Variants in ZNF229 observed in about 807,000 individuals in gnomAD.
The protein encoded by ZNF229 is zinc finger protein 229.
ZNF229 carries 10 observed loss-of-function variants against 11.8 expected under a neutral mutation model. The observed-to-expected ratio is 0.85, with a 90% CI of 0.52 to 1.44. The LOEUF (loss-of-function observed/expected upper bound fraction) is 1.44. Ranked by LOEUF, ZNF229 falls within the 40% of genes most tolerant of loss-of-function variation. The pLI is 0.00. For synonymous variants in ZNF229, 368 were observed against 374.8 expected, an observed-to-expected ratio of 0.98 and a Z score of 0.21; for missense variants, 1,045 against 1,015.1, an observed-to-expected ratio of 1.03 and a Z score of -0.40.
At chr19:44,434,189 G>A (rs1481988944) in intron 4 of ZNF229, among the ~76,000 whole-genome samples, 5 of 152,122 alleles carry the variant, frequency 3.3e-5, no homozygotes, top group African/African-American at 1.2e-4. Context: ...ACAATTTACA[G>A]TTCCAACAGT....
intron 4 of ZNF229, 131 bp from the exon 5 acceptor site, chr19:44,432,497 T>C (rs1266103508): frequency 1.6e-6 from 2 of 1,287,012 alleles, no homozygotes; most frequent in Non-Finnish European, 2.1e-6. Flanking sequence ...CACCATGGAA[T>C]ACTATGCAGC....
At chr19:44,431,083 G>A (rs574005777) in intron 5 of ZNF229, among the ~76,000 whole-genome samples, 1 of 152,260 alleles carries the variant, frequency 6.6e-6, no homozygotes, top group East Asian at 1.9e-4. Flanking sequence ...CCTGCACTGT[G>A]TCTCAGGGGT....
At position 44,429,608 on chromosome 19, in the gene ZNF229, G is replaced by C; in HGVS notation, c.1173C>G (p.Asn391Lys). 2 of 1,614,008 alleles carry C rather than the reference G, an allele frequency of 1.2e-6. No individual in the cohort carries two copies. The highest frequency in any genetic ancestry group is 1.7e-6 in the Non-Finnish European group (2 of 1,180,004). ...TGTGGACCCTCTGATGGACAAGCAG[G>C]TTTGAACTTCGACCAAATGCCTTCC... ...ECGKAFGRSS[N>K]LLVHQRVHTG... The change falls in exon 6 of 6, where the codon AAC (asparagine) becomes AAG (lysine). Residue 391 changes from asparagine to lysine, a missense_variant. Asn to Lys is a moderately conservative substitution (Grantham distance 94). Transcript: ENST00000614049.
intron 5 of ZNF229, among the ~76,000 whole-genome samples, chr19:44,431,411 G>A (rs1459326255): frequency 6.6e-6 from 1 of 152,030 alleles, no homozygotes; most frequent in Admixed American, 6.5e-5. Context: ...TTTATAACCA[G>A]GGACTAGTAC....
rs531561308 is a variant in ZNF229 at position 44,430,078 on chromosome 19, C to T, written c.703G>A (p.Glu235Lys). Reference sequence around the variant, plus strand: ...TTGCAACCACACGGCTTGTCTATTTCAGGGAATCTGTGATCAACATGACAA... The same window carrying T: ...TTGCAACCACACGGCTTGTCTATTTTAGGGAATCTGTGATCAACATGACAA... The part of the protein sequence containing the change: ...ISCHVDHRFP[E>K]IDKPCGCNKC... Residue 235 changes from glutamate to lysine, a missense_variant, in exon 6 of 6, where the codon GAA becomes AAA. Transcript: ENST00000614049. 1 of 1,614,154 alleles carries T rather than the reference C, an allele frequency of 6.2e-7. No individual in the cohort carries two copies. The highest frequency in any genetic ancestry group is 1.1e-5 in the South Asian group (1 of 91,086).
At chr19:44,437,418 T>TA (rs1971834235) in intron 4 of ZNF229, among the ~76,000 whole-genome samples, 1 of 152,198 alleles carries the variant, frequency 6.6e-6, no homozygotes, top group African/African-American at 2.4e-5. Flanking sequence ...AACCACGAGA[T>TA]ACCACCTCAC....
Position 44,428,927 on chromosome 19 carries a change from A to G in ZNF229, c.1854T>C (p.His618=), listed in dbSNP as rs966437268. Reference sequence around the variant, plus strand: ...GTTTCTCTCCAGTGTGGACCCTCTGATGGATAAGGAGGTCGGAGCTGTAGA... The same window carrying G: ...GTTTCTCTCCAGTGTGGACCCTCTGGTGGATAAGGAGGTCGGAGCTGTAGA... ...GFIYSSDLLI[H]QRVHTGEKPY... The change falls in exon 6 of 6, where the codon CAT becomes CAC. Residue 618 remains histidine, a synonymous_variant. Coordinates refer to ENST00000614049, the MANE Select transcript of ZNF229 (RefSeq NM_014518.4). The G allele has an allele frequency of 6.2e-7, 1 of 1,611,010 alleles. No individual in the cohort carries two copies. Among genetic ancestry groups the G allele is most frequent in the African/African-American group, 1.4e-5 (1 of 73,666 alleles).
chr19:44,444,661 C>A (rs1971974956), intron 2 of ZNF229, among the ~76,000 whole-genome samples: 1 of 152,206 alleles, frequency 6.6e-6, no homozygotes, highest in Non-Finnish European at 1.5e-5. Context: ...CTGCTAGAGT[C>A]CAGCTCCAAA....
At chr19:44,434,565 C>T (rs1311551727) in intron 4 of ZNF229, among the ~76,000 whole-genome samples, 4 of 151,714 alleles carry the variant, frequency 2.6e-5, no homozygotes, top group Admixed American at 1.3e-4. Flanking sequence ...TTCTGCAATA[C>T]AGTGATCATC....
rs1971633670 is a variant in ZNF229, at chr19:44,428,696, A to G, written c.2085T>C (p.Tyr695=). ...TCTGGTGGGTGCGAAGATTAGAGCC[A>G]TAACTGAATCCCTTGCCACACTGAT... is the stretch of plus-strand genomic sequence containing the variant. The part of the protein sequence containing the change: ...TCDQCGKGFS[Y]GSNLRTHQRL... The change falls in exon 6 of 6, where the codon TAT becomes TAC. Residue 695 remains tyrosine, a synonymous_variant. Coordinates refer to ENST00000614049, the MANE Select transcript of ZNF229 (RefSeq NM_014518.4). The G allele has an allele frequency of 3.1e-6, 5 of 1,612,628 alleles. No homozygotes were observed. The African/African-American group carries it at 5.4e-5, about 17-fold the overall frequency.
Position 44,432,261 on chromosome 19 carries a change from A to G in ZNF229, c.199T>C (p.Phe67Leu). 6.2e-7 allele frequency: 1 copy of G among 1,613,866 alleles called. No individual in the cohort carries two copies. The highest frequency in any genetic ancestry group is 8.5e-7 in the Non-Finnish European group (1 of 1,179,950). The change falls in exon 5 of 6, where the codon TTC (phenylalanine) becomes CTC (leucine). Residue 67 changes from phenylalanine to leucine, a missense_variant. Physicochemically the swap from Phe to Leu is conservative, Grantham distance 22. Transcript: ENST00000614049. The part of the protein sequence containing the change: ...QLYQDVMQEN[F>L]RNLLSVGERN... ...TCACCCACTGAGAGTAGGTTCCTGA[A>G]ATTCTCCTGCATCACATCTTGGTAC...
At chr19:44,440,332 G>A (rs1247203918) in intron 4 of ZNF229, among the ~76,000 whole-genome samples, 2 of 151,178 alleles carry the variant, frequency 1.3e-5, no homozygotes, top group African/African-American at 4.9e-5. Flanking sequence ...AGGAGAGAAA[G>A]AGAAAGAGAA....
Position 44,429,179 on chromosome 19 carries a change from C to T in ZNF229, c.1602G>A (p.Met534Ile), listed in dbSNP as rs778179795. Residue 534 changes from methionine (M) to isoleucine (I), a missense_variant, in exon 6 of 6, where the codon ATG (methionine) becomes ATA (isoleucine). Physicochemically the swap from Met to Ile is conservative, Grantham distance 10. Coordinates refer to ENST00000614049, the MANE Select transcript of ZNF229 (RefSeq NM_014518.4). Reference protein sequence around the residue: ...KSFSYSSGLLMHQRLHTGEKP... With the variant: ...KSFSYSSGLLIHQRLHTGEKP... ...TCTCTCCTGTGTGCAGTCTCTGATG[C>T]ATGAGAAGCCCTGAGCTGTAACTGA... 1.9e-6 allele frequency: 3 copies of T among 1,611,384 alleles called. No homozygotes were observed. Among genetic ancestry groups the T allele is most frequent in the Non-Finnish European group, 2.5e-6 (3 of 1,179,290 alleles).
In ZNF229 at chr19:44,436,225, T is replaced by G. The variant is rs144462509; in HGVS notation, c.94-3859A>C. ...CCATATCTACAAAAAATAGAAAAAGTAGTGGCATGTGGTAGTGTGCACCTG... is the reference window on the plus strand; with the variant it reads ...CCATATCTACAAAAAATAGAAAAAGGAGTGGCATGTGGTAGTGTGCACCTG... On this transcript the variant is annotated intron_variant, in intron 4 of 5. Coordinates refer to ENST00000614049, the MANE Select transcript of ZNF229 (RefSeq NM_014518.4). Among the ~76,000 whole-genome samples the G allele has an allele frequency of 8.1e-3, 1,237 of 152,090 alleles. 16 individuals are homozygous for G. Among genetic ancestry groups the G allele is most frequent in the Middle Eastern group, 0.024 (7 of 294 alleles).
chr19:44,444,229 C>A (rs899866019), intron 2 of ZNF229, among the ~76,000 whole-genome samples: 3 of 152,170 alleles, frequency 2.0e-5, no homozygotes, highest in Admixed American at 1.3e-4. Context: ...CCTTCCCCAC[C>A]TTGCCTGGCC....
At chr19:44,439,591 G>A (rs1971872747) in intron 4 of ZNF229, among the ~76,000 whole-genome samples, 1 of 152,066 alleles carries the variant, frequency 6.6e-6, no homozygotes, top group Non-Finnish European at 1.5e-5. Context: ...TTACAGGTGT[G>A]CGCCACCATG....
In ZNF229 at chr19:44,429,880, C is replaced by T; in HGVS notation, c.901G>A (p.Gly301Ser). The change falls in exon 6 of 6, where the codon GGC (glycine) becomes AGC (serine). Residue 301 changes from glycine to serine, a missense_variant. By Grantham distance (56) the Gly-to-Ser change is moderately conservative. Transcript: ENST00000614049. The stretch of plus-strand genomic sequence containing the variant: ...TTAAGATGGGCACTGTGCCTCAAGC[C>T]CTCACTAAACTCATCATATTGACAG... The part of the protein sequence containing the change: ...KLCQYDEFSE[G>S]LRHSAHLNRH... 3 of 1,613,982 alleles carry T rather than the reference C, an allele frequency of 1.9e-6. No individual in the cohort carries two copies. Among genetic ancestry groups the T allele is most frequent in the Non-Finnish European group, 1.7e-6 (2 of 1,180,004 alleles).
Position 44,426,671 on chromosome 19 carries a change from T to C in ZNF229, c.*1632A>G, listed in dbSNP as rs766818311. On this transcript the variant is annotated 3_prime_UTR_variant, in exon 6 of 6. Transcript: ENST00000614049. The stretch of plus-strand genomic sequence containing the variant: ...ACCAATGGAAACTGGAATATTAACA[T>C]TTGCTATTTTAAAAATGTTTTAAAT... The C allele has an allele frequency of 1.3e-5, 2 of 152,188 alleles. No individual in the cohort carries two copies. The highest frequency in any genetic ancestry group is 2.9e-5 in the Non-Finnish European group (2 of 68,042). 9.4% of individuals were successfully genotyped at this position (152,188 alleles called of 1,614,324 possible). A position where few individuals can be genotyped will look rare whatever the true frequency, so the allele number is the denominator to read the frequency against.
chr19:44,428,084 C>A lies in ZNF229; in HGVS notation c.*219G>T. 1 of 525,362 alleles carries A rather than the reference C, an allele frequency of 1.9e-6. No individual in the cohort carries two copies. The allele number at this position is 525,362 out of a possible 1,614,324, so 32.5% of individuals were successfully genotyped here. On this transcript the variant is annotated 3_prime_UTR_variant, in exon 6 of 6. Transcript: ENST00000614049. ...CTGCACTGTTTCTTTAAAGCCTACTCCGCTGCACAACAGACTCTTAAAGAC... is the reference window on the plus strand; with the variant it reads ...CTGCACTGTTTCTTTAAAGCCTACTACGCTGCACAACAGACTCTTAAAGAC...
Sources: allele counts gnomAD v4.1 joint callset (sites outside exome capture counted in the v4.1 genomes callset), GRCh38; gene constraint gnomAD v4.1.1; transcripts MANE v1.5; gene names NCBI Gene and HGNC (gene_info 2026-07-23, HGNC 2026-07-21).